Variants in BTC observed in about 807,000 individuals in gnomAD.
The protein encoded by BTC is betacellulin.
A neutral mutation model predicts 18.1 loss-of-function variants in BTC; 13 were observed. The ratio of observed to expected loss-of-function variants is 0.72; its 90% CI spans 0.47 to 1.14. BTC has a LOEUF of 1.14. BTC is among the 50% of genes most tolerant of loss of function. The probability of loss-of-function intolerance (pLI) is 0.00; values close to 1 mark genes in which losing one functional copy is unlikely to be tolerated. For missense variants in BTC, 247 were observed against 224.2 expected (o/e 1.10, Z -0.65); for synonymous variants, 83 against 79.4 (o/e 1.05, Z -0.24).
chr4:74,792,648 T>C (rs1411936223), intron 1 of BTC, among the ~76,000 whole-genome samples: 1 of 152,246 alleles, frequency 6.6e-6, no homozygotes, highest in African/African-American at 2.4e-5. Context: ...TCTGTCTGCC[T>C]CTCAGAAATT....
At chr4:74,754,915 A>T (rs13127229) in intron 3 of BTC, among the ~76,000 whole-genome samples, 216 of 147,248 alleles carry the variant, frequency 1.5e-3, no homozygotes, top group Middle Eastern at 3.4e-3. Flanking sequence ...GAATTTTTTT[A>T]AAAAATTAGA....
chr4:74,755,810 G>T (rs1553956599), intron 3 of BTC, 49 bp downstream of exon 3: 2 of 1,539,664 alleles, frequency 1.3e-6, no homozygotes, highest in South Asian at 2.2e-5. Context: ...GACCCAGGCG[G>T]GCACCATTCT....
At chr4:74,787,118 T>A (rs370642565) in intron 1 of BTC, among the ~76,000 whole-genome samples, 105 of 152,214 alleles carry the variant, frequency 6.9e-4, no homozygotes, top group African/African-American at 2.3e-3. Flanking sequence ...AAAAACTAAA[T>A]AAAGTTAAAC....
Position 74,782,550 on chromosome 4 carries a change from C to T in BTC, c.64+11712G>A, listed in dbSNP as rs142448868. On this transcript the variant is annotated intron_variant, in intron 1 of 5. Coordinates refer to ENST00000395743, the MANE Select transcript of BTC (RefSeq NM_001729.4). ...CGTATATTTGCTATTGTGAATACCG[C>T]GCACTGAACATATGCATGCATGTAT... is the stretch of plus-strand genomic sequence containing the variant. Among the ~76,000 whole-genome samples the T allele has an allele frequency of 1.6e-3, 239 of 152,200 alleles. 2 individuals are homozygous for T. Among genetic ancestry groups the T allele is most frequent in the Non-Finnish European group, 2.6e-3 (178 of 67,994 alleles).
At chr4:74,748,350 C>T (rs1553955714) in intron 4 of BTC, among the ~76,000 whole-genome samples, 1 of 152,024 alleles carries the variant, frequency 6.6e-6, no homozygotes, top group Non-Finnish European at 1.5e-5. Context: ...AGATTGAGAC[C>T]ACGCTGAAAC....
At chr4:74,758,395 C>T (rs1202193632) in intron 2 of BTC, among the ~76,000 whole-genome samples, 1 of 152,012 alleles carries the variant, frequency 6.6e-6, no homozygotes, top group Non-Finnish European at 1.5e-5. Flanking sequence ...ATAGACTGGG[C>T]TCTTAGTGGG....
At chr4:74,794,000 T>C (rs1725702571) in intron 1 of BTC, among the ~76,000 whole-genome samples, 1 of 150,508 alleles carries the variant, frequency 6.6e-6, no homozygotes, top group Admixed American at 6.6e-5. Flanking sequence ...CTCGCAGCAC[T>C]GGCAGCGAGG....
intron 2 of BTC, among the ~76,000 whole-genome samples, chr4:74,756,347 T>A (rs1724598246): frequency 6.6e-6 from 1 of 152,226 alleles, no homozygotes; most frequent in South Asian, 2.1e-4. Flanking sequence ...TTTTGGGGTT[T>A]GGTTTTGGTT....
At position 74,747,760 on chromosome 4, in the gene BTC, C is replaced by T. The variant is rs1045733339; in HGVS notation, c.*1+280G>A. 2.6e-5 allele frequency among the ~76,000 whole-genome samples: 4 copies of T among 152,090 alleles called. No individual in the cohort carries two copies. In the South Asian group the frequency reaches 6.3e-4, roughly 24 times the overall value. On this transcript the variant is annotated intron_variant, in intron 5 of 5. Transcript: ENST00000395743. Reference sequence around the variant, plus strand: ...AATGTGAAGTGTCTATATTAAAATACCTCTTTCCTGTGCCCAAAAATGAGA... The same window carrying T: ...AATGTGAAGTGTCTATATTAAAATATCTCTTTCCTGTGCCCAAAAATGAGA...
chr4:74,767,180 TAC>T lies in BTC; in HGVS notation c.163+2876_163+2877del, dbSNP rs56936798. ...CCTATACATAAAAAATTCTAAAGAC[TAC>T]ACACACACACACACACACACACAAA... On this transcript the variant is annotated intron_variant, in intron 2 of 5. Transcript: ENST00000395743. Among the ~76,000 whole-genome samples, 634 of 147,082 alleles carry T rather than the reference TAC, an allele frequency of 4.3e-3. 1 individual carries two copies. Among genetic ancestry groups the T allele is most frequent in the African/African-American group, 0.01 (408 of 40,534 alleles).
chr4:74,748,952 G>A (rs1207238127), intron 4 of BTC, among the ~76,000 whole-genome samples: 1 of 151,984 alleles, frequency 6.6e-6, no homozygotes, highest in Non-Finnish European at 1.5e-5. Flanking sequence ...CCCTAAACCT[G>A]GCATAATATT....
chr4:74,790,531 C>A (rs977911838), intron 1 of BTC, among the ~76,000 whole-genome samples: 2 of 152,102 alleles, frequency 1.3e-5, no homozygotes, highest in African/African-American at 4.8e-5. Flanking sequence ...CTCTTTTTAC[C>A]CATTTTCAGT....
chr4:74,794,472 G>T lies in BTC; in HGVS notation c.-147C>A. 1.1e-6 allele frequency: 1 copy of T among 927,494 alleles called. No individual in the cohort carries two copies. Among genetic ancestry groups the T allele is most frequent in the Non-Finnish European group, 1.6e-6 (1 of 643,814 alleles). 57.5% of individuals were successfully genotyped at this position (927,494 alleles called of 1,614,324 possible). ...AAACTACTTCCCAGGCTGGCACCCTGGCTACAAGGCAGGGAAACACCCAGG... is the reference window on the plus strand; with the variant it reads ...AAACTACTTCCCAGGCTGGCACCCTTGCTACAAGGCAGGGAAACACCCAGG... On this transcript the variant is annotated 5_prime_UTR_variant, in exon 1 of 6. Transcript: ENST00000395743.
At chr4:74,753,148 G>A (rs1027826375) in intron 3 of BTC, among the ~76,000 whole-genome samples, 1 of 152,022 alleles carries the variant, frequency 6.6e-6, no homozygotes, top group Non-Finnish European at 1.5e-5. Context: ...TGACTAAGTG[G>A]GTTTTTATTT....
At chr4:74,774,906 G>C (rs1725138029) in intron 1 of BTC, among the ~76,000 whole-genome samples, 1 of 152,052 alleles carries the variant, frequency 6.6e-6, no homozygotes. Context: ...CAGGATGATA[G>C]CACCAGGTAT....
intron 1 of BTC, among the ~76,000 whole-genome samples, chr4:74,786,827 G>A (rs1725489874): frequency 6.6e-6 from 1 of 152,128 alleles, no homozygotes. Context: ...TAGAAGAAAT[G>A]CTATGGGAAA....
At chr4:74,767,907 A>G (rs1724943184) in intron 2 of BTC, among the ~76,000 whole-genome samples, 1 of 152,190 alleles carries the variant, frequency 6.6e-6, no homozygotes, top group Non-Finnish European at 1.5e-5. Flanking sequence ...CTTATATTTA[A>G]GACCCGAAAC....
At chr4:74,781,294 G>A (rs1473297190) in intron 1 of BTC, among the ~76,000 whole-genome samples, 2 of 152,002 alleles carry the variant, frequency 1.3e-5, no homozygotes, top group Non-Finnish European at 2.9e-5. Flanking sequence ...AACCTTGGTT[G>A]AAACGACTTT....
chr4:74,770,223 G>A lies in BTC; in HGVS notation c.65-67C>T, dbSNP rs1290292144. On this transcript the variant is annotated intron_variant, in intron 1 of 5. Coordinates refer to ENST00000395743, the MANE Select transcript of BTC (RefSeq NM_001729.4). The stretch of plus-strand genomic sequence containing the variant: ...GCTTATTGTGAAACAGTCTATCAAA[G>A]TCATCACCCATTTCACCCATTTATG... The A allele has an allele frequency of 3.2e-6, 4 of 1,248,788 alleles. No individual in the cohort carries two copies. The African/African-American group carries it at 4.6e-5, about 14-fold the overall frequency. The allele number at this position is 1,248,788 out of a possible 1,614,324, so 77.4% of individuals were successfully genotyped here.
Sources: allele counts gnomAD v4.1 joint callset (sites outside exome capture counted in the v4.1 genomes callset), GRCh38; gene constraint gnomAD v4.1.1; transcripts MANE v1.5; gene names NCBI Gene and HGNC (gene_info 2026-07-23, HGNC 2026-07-21).